SUMF1: variants seen among roughly 807,000 people sequenced by gnomAD.
The protein encoded by SUMF1 is sulfatase modifying factor 1.
SUMF1 carries 48 observed loss-of-function variants against 47.6 expected under a neutral mutation model. That is an observed-to-expected ratio of 1.01 (90% CI 0.80 to 1.28). SUMF1 has a LOEUF of 1.28. SUMF1 is among the 50% of genes most tolerant of loss of function. SUMF1 has a pLI of 0.00. For synonymous variants in SUMF1, 230 were observed against 192.1 expected, an observed-to-expected ratio of 1.20 and a Z score of -1.63; for missense variants, 571 against 485.4, an observed-to-expected ratio of 1.18 and a Z score of -1.66.
chr3:4,317,147 C>G (rs1310506493), intron 8 of SUMF1: 1 of 1,547,388 alleles, frequency 6.5e-7, no homozygotes, highest in Admixed American at 2.0e-5. Context: ...TCCAAGAGTT[C>G]GTCGAATCCC....
At chr3:4,291,539 C>G (rs1227241025) in intron 8 of SUMF1, among the ~76,000 whole-genome samples, 1 of 152,116 alleles carries the variant, frequency 6.6e-6, no homozygotes, top group Admixed American at 6.5e-5. Context: ...TAATAGATAA[C>G]TTGGTTTCAT....
intron 8 of SUMF1, among the ~76,000 whole-genome samples, chr3:4,322,659 TAAA>T (rs533846032): frequency 1.6e-5 from 2 of 127,582 alleles, no homozygotes; most frequent in African/African-American, 2.9e-5. Flanking sequence ...GACCTGCCTA[TAAA>T]AAAAAAAAAA....
At chr3:4,397,519 A>G (rs1575173260) in intron 7 of SUMF1, among the ~76,000 whole-genome samples, 1 of 152,228 alleles carries the variant, frequency 6.6e-6, no homozygotes, top group East Asian at 1.9e-4. Context: ...GCAAGTTATG[A>G]GAGAATAAAG....
At chr3:4,053,974 T>C (rs1196940631) in intron 9 of SUMF1, among the ~76,000 whole-genome samples, 1 of 152,164 alleles carries the variant, frequency 6.6e-6, no homozygotes, top group Non-Finnish European at 1.5e-5. Context: ...CAATGACCTA[T>C]TCTGTGGGTT....
intron 8 of SUMF1, among the ~76,000 whole-genome samples, chr3:4,366,100 G>A (rs1397280004): frequency 6.6e-6 from 1 of 151,870 alleles, no homozygotes; most frequent in Non-Finnish European, 1.5e-5. Flanking sequence ...TTAGTCTGAT[G>A]GGCTTCCCTT....
intron 8 of SUMF1, among the ~76,000 whole-genome samples, chr3:4,278,796 T>C (rs1270849069): frequency 6.6e-6 from 1 of 152,086 alleles, no homozygotes; most frequent in Non-Finnish European, 1.5e-5. Flanking sequence ...AAACCCCGGG[T>C]TCACTTTTAA....
intron 8 of SUMF1, among the ~76,000 whole-genome samples, chr3:4,272,096 A>C (rs1697317200): frequency 6.6e-6 from 1 of 152,216 alleles, no homozygotes; most frequent in Admixed American, 6.5e-5. Context: ...ATTTGGCTTC[A>C]GGTTTCAAGA....
chr3:4,346,580 A>G (rs1383046940), intron 8 of SUMF1, among the ~76,000 whole-genome samples: 1 of 152,202 alleles, frequency 6.6e-6, no homozygotes, highest in African/African-American at 2.4e-5. Flanking sequence ...AAAGCTAGAA[A>G]GATCTCAAAT....
chr3:4,287,777 T>C (rs987660120), intron 8 of SUMF1, among the ~76,000 whole-genome samples: 1 of 152,232 alleles, frequency 6.6e-6, no homozygotes, highest in Non-Finnish European at 1.5e-5. Flanking sequence ...AAGAATATAG[T>C]GCTTTTCCTT....
At chr3:4,244,273 G>T (rs1277377632) in intron 8 of SUMF1, among the ~76,000 whole-genome samples, 1 of 152,124 alleles carries the variant, frequency 6.6e-6, no homozygotes, top group Non-Finnish European at 1.5e-5. Flanking sequence ...GGTTAATATT[G>T]TTATGTGTGA....
At position 4,418,149 on chromosome 3, in the gene SUMF1, G is replaced by A; in HGVS notation, c.603-17C>T. The A allele has an allele frequency of 6.2e-7, 1 of 1,613,940 alleles. No individual in the cohort carries two copies. Among genetic ancestry groups the A allele is most frequent in the East Asian group, 2.2e-5 (1 of 44,856 alleles). ...TGATCCGGCCTGGGGAAGAGCAAAA[G>A]TAGAATGAAAAGTGACACCAATCAG... On this transcript the variant is annotated splice_polypyrimidine_tract_variant and intron_variant, in intron 4 of 8. Coordinates refer to ENST00000272902, the MANE Select transcript of SUMF1 (RefSeq NM_182760.4).
chr3:4,392,678 G>A (rs886993795), intron 7 of SUMF1, among the ~76,000 whole-genome samples: 1 of 151,100 alleles, frequency 6.6e-6, no homozygotes, highest in Non-Finnish European at 1.5e-5. Context: ...GAGCGAGAGA[G>A]AGAGCACATG....
In SUMF1 at chr3:4,335,960, C is replaced by CAAAAAAAACAAAAAAAA. The variant is rs5846319; in HGVS notation, c.1014+40369_1014+40370insTTTTTTTTGTTTTTTTT. Among the ~76,000 whole-genome samples, 30 of 73,894 alleles carry CAAAAAAAACAAAAAAAA rather than the reference C, an allele frequency of 4.1e-4. 1 individual carries two copies. Among genetic ancestry groups the CAAAAAAAACAAAAAAAA allele is most frequent in the Non-Finnish European group, 4.9e-4 (21 of 43,128 alleles). The allele number at this position is 73,894 out of a possible 152,430, so 48.5% of individuals were successfully genotyped here. On this transcript the variant is annotated intron_variant and NMD_transcript_variant, in intron 8 of 12. Transcript: ENST00000448413. ...TGGACAACTGAGTGAGATTCCAACT[C>CAAAAAAAACAAAAAAAA]AAAAAAAAAAAAAAAAAAAACAGAA...
chr3:4,429,646 C>T (rs189081594), intron 3 of SUMF1, among the ~76,000 whole-genome samples: 80 of 152,338 alleles, frequency 5.3e-4, no homozygotes, highest in African/African-American at 1.9e-3. Flanking sequence ...CACAGGGTCA[C>T]AGCCTGAGAT....
intron 8 of SUMF1, among the ~76,000 whole-genome samples, chr3:4,306,022 T>C (rs1698173358): frequency 6.6e-6 from 1 of 152,146 alleles, no homozygotes; most frequent in Non-Finnish European, 1.5e-5. Flanking sequence ...CAAATATTTA[T>C]TGAGAGCTAA....
intron 7 of SUMF1, among the ~76,000 whole-genome samples, chr3:4,384,156 T>C (rs1161445820): frequency 6.6e-6 from 1 of 152,214 alleles, no homozygotes; most frequent in Admixed American, 6.5e-5. Flanking sequence ...TCCCTTTCAG[T>C]CTAGAAAAAC....
chr3:4,361,810 G>A lies in SUMF1; in HGVS notation c.*334C>T, dbSNP rs565475839. ...CACTTGAGGCCCAGGAAGGTCAAGC[G>A]TCGGACCTGGGGTCTAACCCCTGTG... On this transcript the variant is annotated 3_prime_UTR_variant, in exon 9 of 9. Coordinates refer to ENST00000272902, the MANE Select transcript of SUMF1 (RefSeq NM_182760.4). 1.2e-5 allele frequency: 4 copies of A among 332,984 alleles called. No individual in the cohort carries two copies. Among genetic ancestry groups the A allele is most frequent in the East Asian group, 1.4e-4 (2 of 14,318 alleles). 20.6% of individuals were successfully genotyped at this position (332,984 alleles called of 1,614,324 possible).
chr3:4,452,202 A>G (rs1204633529), intron 2 of SUMF1, among the ~76,000 whole-genome samples: 1 of 152,136 alleles, frequency 6.6e-6, no homozygotes, highest in Non-Finnish European at 1.5e-5. Flanking sequence ...AGAAAACTGG[A>G]AAGCATATAA....
At chr3:4,056,477 C>G (rs1482964592) in intron 9 of SUMF1, among the ~76,000 whole-genome samples, 1 of 151,982 alleles carries the variant, frequency 6.6e-6, no homozygotes, top group African/African-American at 2.4e-5. Flanking sequence ...AGTTCAAGGC[C>G]AGCCTGGGCC....
Sources: gnomAD v4.1 joint callset for allele counts (sites outside exome capture counted in the v4.1 genomes callset) on GRCh38, gnomAD v4.1.1 for gene constraint, MANE v1.5 for transcripts, NCBI Gene and HGNC (gene_info 2026-07-23, HGNC 2026-07-21) for gene names.